The following RSBN1 variants were observed in gnomAD, a reference collection of about 807,000 sequenced individuals.
The protein encoded by RSBN1 is lysine-specific demethylase 9.
A neutral mutation model predicts 74.8 loss-of-function variants in RSBN1; 23 were observed. The observed-to-expected ratio is 0.31, with a 90% CI of 0.22 to 0.44. The LOEUF (loss-of-function observed/expected upper bound fraction) is 0.44, where lower values mean the gene tolerates loss of function less well. Ranked by LOEUF, RSBN1 falls within the 20% of genes least tolerant of loss-of-function variation. The probability of loss-of-function intolerance (pLI) is 1.00; values close to 1 mark genes in which losing one functional copy is unlikely to be tolerated. For missense variants in RSBN1, 808 were observed against 1,020.9 expected (o/e 0.79, Z 2.84); for synonymous variants, 407 against 379.6 (o/e 1.07, Z -0.84).
At chr1:113,810,612 G>A (rs982283686) in intron 1 of RSBN1, among the ~76,000 whole-genome samples, 2 of 151,856 alleles carry the variant, frequency 1.3e-5, no homozygotes, top group Admixed American at 6.6e-5. Flanking sequence ...TACAGTATTC[G>A]GAAATAGCAC....
chr1:113,809,625 T>C (rs2101830851), intron 1 of RSBN1, among the ~76,000 whole-genome samples: 1 of 152,306 alleles, frequency 6.6e-6, no homozygotes, highest in South Asian at 2.1e-4. Flanking sequence ...AAAAATTCTT[T>C]TTCACCCAAA....
chr1:113,803,679 G>A (rs542199871), intron 1 of RSBN1, among the ~76,000 whole-genome samples: 1 of 152,268 alleles, frequency 6.6e-6, no homozygotes, highest in South Asian at 2.1e-4. Flanking sequence ...AGGCAGTAGA[G>A]TGTACTATTT....
intron 2 of RSBN1, among the ~76,000 whole-genome samples, chr1:113,797,015 AAAAGC>A (rs1220148431): frequency 6.6e-6 from 1 of 152,250 alleles, no homozygotes; most frequent in African/African-American, 2.4e-5. Flanking sequence ...ATTATGATAT[AAAAGC>A]AAATCTTAAC....
intron 5 of RSBN1, 25 bp from the exon 6 acceptor site, chr1:113,767,232 A>G (rs1216687476): frequency 7.8e-7 from 1 of 1,283,500 alleles, no homozygotes; most frequent in Non-Finnish European, 1.1e-6. Flanking sequence ...ATTAAGTTTC[A>G]GAGACAAACA....
At chr1:113,801,243 A>G (rs1178521185) in intron 1 of RSBN1, among the ~76,000 whole-genome samples, 1 of 152,144 alleles carries the variant, frequency 6.6e-6, no homozygotes, top group Non-Finnish European at 1.5e-5. Context: ...TCAGCCTCCC[A>G]AAGTGCTGGG....
chr1:113,781,130 T>C (rs781486046), intron 2 of RSBN1, among the ~76,000 whole-genome samples: 1 of 152,164 alleles, frequency 6.6e-6, no homozygotes, highest in Non-Finnish European at 1.5e-5. Flanking sequence ...TCTGGACTTT[T>C]CCATTCCATA....
chr1:113,781,274 T>C (rs1347785492), intron 2 of RSBN1, among the ~76,000 whole-genome samples: 1 of 152,218 alleles, frequency 6.6e-6, no homozygotes, highest in Admixed American at 6.5e-5. Context: ...CTGTAGTACC[T>C]GTCTCTATTG....
At chr1:113,792,047 A>T (rs1660377426) in intron 2 of RSBN1, among the ~76,000 whole-genome samples, 1 of 152,218 alleles carries the variant, frequency 6.6e-6, no homozygotes, top group Non-Finnish European at 1.5e-5. Flanking sequence ...ATGCTACAGA[A>T]CATTATCATT....
At chr1:113,778,874 C>G (rs943403115) in intron 2 of RSBN1, among the ~76,000 whole-genome samples, 8 of 152,208 alleles carry the variant, frequency 5.3e-5, no homozygotes, top group Non-Finnish European at 7.3e-5. Flanking sequence ...CATAAATATG[C>G]AGCCCAGAGC....
intron 2 of RSBN1, among the ~76,000 whole-genome samples, chr1:113,786,247 C>T (rs1351085991): frequency 6.6e-6 from 1 of 152,208 alleles, no homozygotes; most frequent in Non-Finnish European, 1.5e-5. Flanking sequence ...CAACTACTCT[C>T]TCTTCTGGAG....
intron 4 of RSBN1, among the ~76,000 whole-genome samples, chr1:113,768,623 AG>A (rs1659830817): frequency 6.6e-6 from 1 of 152,166 alleles, no homozygotes; most frequent in African/African-American, 2.4e-5. Flanking sequence ...AATATATCTT[AG>A]ATTAGGCTCA....
chr1:113,810,384 A>AACACAC (rs113663525), intron 1 of RSBN1, among the ~76,000 whole-genome samples: 412 of 146,728 alleles, frequency 2.8e-3, no homozygotes, highest in South Asian at 0.012. Flanking sequence ...GTACAGTTAA[A>AACACAC]ACACACACAC....
At chr1:113,771,989 T>C (rs1453370368) in intron 4 of RSBN1, among the ~76,000 whole-genome samples, 3 of 152,072 alleles carry the variant, frequency 2.0e-5, no homozygotes, top group Admixed American at 2.0e-4. Context: ...TGGTTTTAAG[T>C]ACGTAGGTGA....
In RSBN1 at chr1:113,812,206, G is replaced by C. The variant is rs777494492; in HGVS notation, c.207C>G (p.Asp69Glu). ...CATGAGGTTTCTCCTTCCCCTCTTT[G>C]TCCGGCTCCTCCTGCGCCGCCACCG... ...VRAVAAQEEP[D>E]KEGKEKPHAG... Residue 69 changes from aspartate (D) to glutamate (E), a missense_variant, in exon 1 of 7, where the codon GAC (aspartate) becomes GAG (glutamate). By Grantham distance (45) the Asp-to-Glu change is conservative. This residue lies in a region of RSBN1 where 464 missense variants were observed against 401.0 expected (regional missense o/e 1.16). Coordinates refer to ENST00000261441, the MANE Select transcript of RSBN1 (RefSeq NM_018364.5). 9 of 1,607,774 alleles carry C rather than the reference G, an allele frequency of 5.6e-6. No homozygotes were observed. Among genetic ancestry groups the C allele is most frequent in the African/African-American group, 4.0e-5 (3 of 74,836 alleles).
chr1:113,792,880 T>C (rs1313706446), intron 2 of RSBN1, among the ~76,000 whole-genome samples: 1 of 152,128 alleles, frequency 6.6e-6, no homozygotes, highest in Non-Finnish European at 1.5e-5. Context: ...AGTTATCCTG[T>C]ATCAACTGCT....
chr1:113,784,162 G>C (rs897317871), intron 2 of RSBN1, among the ~76,000 whole-genome samples: 15 of 152,136 alleles, frequency 9.9e-5, no homozygotes, highest in African/African-American at 3.6e-4. Flanking sequence ...GGACACAACA[G>C]TCTTCAAATA....
Position 113,812,082 on chromosome 1 carries a change from G to T in RSBN1, c.331C>A (p.Pro111Thr). The change falls in exon 1 of 7, where the codon CCC (proline) becomes ACC (threonine). Residue 111 changes from proline (P) to threonine (T), a missense_variant. Pro to Thr is a conservative substitution (Grantham distance 38). Coordinates refer to ENST00000261441, the MANE Select transcript of RSBN1 (RefSeq NM_018364.5). ...GRPSQEPPLA[P>T]PHRRRRSRQH... ...CGGCTGCGACGCCGCCGGTGAGGGG[G>T]AGCGAGAGGGGGCTCCTGGCTCGGC... is the stretch of plus-strand genomic sequence containing the variant. 2 of 1,583,568 alleles carry T rather than the reference G, an allele frequency of 1.3e-6. No individual in the cohort carries two copies.
Position 113,797,899 on chromosome 1 carries a change from C to T in RSBN1, c.841G>A (p.Val281Ile), listed in dbSNP as rs573352824. 6.8e-5 allele frequency: 109 copies of T among 1,612,974 alleles called. No homozygotes were observed. The highest frequency in any genetic ancestry group is 1.5e-4 in the Admixed American group (9 of 59,852). ...CTGATGCGGGTCAGGCCAGCACAGACGGTTTGTACTTCCTTATTGTACATT... is the reference window on the plus strand; with the variant it reads ...CTGATGCGGGTCAGGCCAGCACAGATGGTTTGTACTTCCTTATTGTACATT... ...LKMYNKEVQT[V>I]CAGLTRISKE... The change falls in exon 2 of 7, where the codon GTC becomes ATC. Residue 281 changes from valine (V) to isoleucine (I), a missense_variant. Coordinates refer to ENST00000261441, the MANE Select transcript of RSBN1 (RefSeq NM_018364.5).
chr1:113,809,972 C>G (rs540780580), intron 1 of RSBN1, among the ~76,000 whole-genome samples: 1 of 152,194 alleles, frequency 6.6e-6, no homozygotes, highest in South Asian at 2.1e-4. Context: ...TTTTAAAGAA[C>G]ATGGGGCCTG....
Sources: allele counts gnomAD v4.1 joint callset (sites outside exome capture counted in the v4.1 genomes callset), GRCh38; gene constraint gnomAD v4.1.1; regional missense constraint gnomAD v4.1.1; transcripts MANE v1.5; gene names NCBI Gene and HGNC (gene_info 2026-07-23, HGNC 2026-07-21).